The following KLF10 variants were observed in gnomAD, a reference collection of about 807,000 sequenced individuals.
KLF10 encodes KLF transcription factor 10.
Under a neutral mutation model 31.6 loss-of-function variants are expected in KLF10, and 17 were observed. The ratio of observed to expected loss-of-function variants is 0.54; its 90% CI spans 0.37 to 0.81. The LOEUF is 0.81. Ranked by LOEUF, KLF10 falls within the 30% of genes least tolerant of loss-of-function variation. KLF10 has a pLI of 0.00. For synonymous variants in KLF10, 239 were observed against 215.1 expected, an observed-to-expected ratio of 1.11 and a Z score of -0.97; for missense variants, 525 against 598.1, an observed-to-expected ratio of 0.88 and a Z score of 1.27.
At chr8:102,654,432 G>A (rs1827308250) in intron 1 of KLF10, 1 of 150,950 alleles carries the variant, frequency 6.6e-6, no homozygotes, top group South Asian at 2.1e-4. Flanking sequence ...TGGGTCACTC[G>A]GGGACGAGAA....
At chr8:102,655,544 G>C in intron 1 of KLF10, 22 bp downstream of exon 1, 1 of 1,614,050 alleles carries the variant, frequency 6.2e-7, no homozygotes, top group African/African-American at 1.3e-5. Flanking sequence ...AGGAAGCACA[G>C]GGGCATCCCC....
In KLF10 at chr8:102,651,309, G is replaced by T. The variant is rs1367780476; in HGVS notation, c.1023C>A (p.Leu341=). 1 of 1,604,760 alleles carries T rather than the reference G, an allele frequency of 6.2e-7. No individual in the cohort carries two copies. Among genetic ancestry groups the T allele is most frequent in the Non-Finnish European group, 8.5e-7 (1 of 1,175,692 alleles). ...ACCCAGGAGCAGGGGCAATGGGAGAGAGTCTGGTGCCATTCGGGCTCACCA... is the reference window on the plus strand; with the variant it reads ...ACCCAGGAGCAGGGGCAATGGGAGATAGTCTGGTGCCATTCGGGCTCACCA... The part of the protein sequence containing the change: ...PPVVSPNGTR[L]SPIAPAPGFS... Residue 341 remains leucine (L), a synonymous_variant, in exon 3 of 4, where the codon CTC becomes CTA. Transcript: ENST00000285407.
At chr8:102,653,447 T>TAAA in intron 1 of KLF10, 1 of 1,470,924 alleles carries the variant, frequency 6.8e-7, no homozygotes, top group South Asian at 1.3e-5. Flanking sequence ...TGAACTACGC[T>TAAA]AAAAAAAAAT....
rs1317662565 is a variant in KLF10 at position 102,648,998 on chromosome 8, T to C, written c.*1134A>G. Reference sequence around the variant, plus strand: ...CTATATATTTTAAGCAATGTACTTTTGTTTTGCCACTGTGTATATCATCCA... The same window carrying C: ...CTATATATTTTAAGCAATGTACTTTCGTTTTGCCACTGTGTATATCATCCA... On this transcript the variant is annotated 3_prime_UTR_variant, in exon 4 of 4. Coordinates refer to ENST00000285407, the MANE Select transcript of KLF10 (RefSeq NM_005655.4). The C allele has an allele frequency of 6.6e-6, 1 of 152,630 alleles. No individual in the cohort carries two copies. Among genetic ancestry groups the C allele is most frequent in the Non-Finnish European group, 1.5e-5 (1 of 68,024 alleles). The allele number at this position is 152,630 out of a possible 1,614,324, so 9.5% of individuals were successfully genotyped here.
intron 1 of KLF10, among the ~76,000 whole-genome samples, chr8:102,653,043 G>A (rs1389953911): frequency 6.6e-6 from 1 of 151,946 alleles, no homozygotes; most frequent in Non-Finnish European, 1.5e-5. Flanking sequence ...GGATCCTCAG[G>A]GTATCTTTCA....
At position 102,650,097 on chromosome 8, in the gene KLF10, C is replaced by T. The variant is rs1310507515; in HGVS notation, c.*35G>A. 2 of 1,608,914 alleles carry T rather than the reference C, an allele frequency of 1.2e-6. No individual in the cohort carries two copies. Among genetic ancestry groups the T allele is most frequent in the Non-Finnish European group, 1.7e-6 (2 of 1,176,640 alleles). ...ACATCACCACTGGCTCCCGCTGAGACCAAAGTTAGTTCTGACTCTTCACTT... is the reference window on the plus strand; with the variant it reads ...ACATCACCACTGGCTCCCGCTGAGATCAAAGTTAGTTCTGACTCTTCACTT... On this transcript the variant is annotated 3_prime_UTR_variant, in exon 4 of 4. Transcript: ENST00000285407.
Position 102,650,083 on chromosome 8 carries a change from G to T in KLF10, c.*49C>A. The T allele has an allele frequency of 6.3e-7, 1 of 1,593,094 alleles. No individual in the cohort carries two copies. Among genetic ancestry groups the T allele is most frequent in the Non-Finnish European group, 8.6e-7 (1 of 1,167,538 alleles). On this transcript the variant is annotated 3_prime_UTR_variant, in exon 4 of 4. Coordinates refer to ENST00000285407, the MANE Select transcript of KLF10 (RefSeq NM_005655.4). Reference sequence around the variant, plus strand: ...GTGGAAGCATTTTTACATCACCACTGGCTCCCGCTGAGACCAAAGTTAGTT... The same window carrying T: ...GTGGAAGCATTTTTACATCACCACTTGCTCCCGCTGAGACCAAAGTTAGTT...
At chr8:102,653,764 G>C (rs974321260) in intron 1 of KLF10, 80 of 1,103,890 alleles carry the variant, frequency 7.2e-5, no homozygotes, top group Non-Finnish European at 8.6e-5. Flanking sequence ...AAAAAAGAAA[G>C]GCAGGCGGCA....
chr8:102,650,009 G>A lies in KLF10; in HGVS notation c.*123C>T. On this transcript the variant is annotated 3_prime_UTR_variant, in exon 4 of 4. Coordinates refer to ENST00000285407, the MANE Select transcript of KLF10 (RefSeq NM_005655.4). ...AACCCAGGCGGGGCCTTCGTGCCAG[G>A]CTGTGGGGCTTCTGCTTTAAGCCCA... 7.7e-7 allele frequency: 1 copy of A among 1,304,418 alleles called. No homozygotes were observed. The allele number at this position is 1,304,418 out of a possible 1,614,324, so 80.8% of individuals were successfully genotyped here. A position where few individuals can be genotyped will look rare whatever the true frequency, so the allele number is the denominator to read the frequency against.
Position 102,653,699 on chromosome 8 carries a change from G to A in KLF10, c.37-1302C>T, listed in dbSNP as rs999276946. 6.7e-5 allele frequency: 84 copies of A among 1,244,462 alleles called. No individual in the cohort carries two copies. In the Middle Eastern group the frequency reaches 8.9e-4, roughly 13 times the overall value. The allele number at this position is 1,244,462 out of a possible 1,614,324, so 77.1% of individuals were successfully genotyped here. ...AATCGCGCCCGCCTTTATGTAAGCT[G>A]CAATGGACAGCGCGCGTGTGTGTAA... On this transcript the variant is annotated intron_variant, in intron 1 of 3. Coordinates refer to ENST00000285407, the MANE Select transcript of KLF10 (RefSeq NM_005655.4).
At position 102,652,370 on chromosome 8, in the gene KLF10, T is replaced by C; in HGVS notation, c.64A>G (p.Arg22Gly). The change falls in exon 2 of 4, where the codon AGG (arginine) becomes GGG (glycine). Residue 22 changes from arginine to glycine, a missense_variant. By Grantham distance (125) the Arg-to-Gly change is moderately radical. Around this residue, in one of 3 missense-constraint regions of KLF10, gnomAD observed 434 missense variants for 450.7 expected, o/e 0.96. Transcript: ENST00000285407. Reference sequence around the variant, plus strand: ...CAGGAATACATACTCTCTTTTGGCCTTTCAGAAATCATTTCCATTCTTTCC... The same window carrying C: ...CAGGAATACATACTCTCTTTTGGCCCTTCAGAAATCATTTCCATTCTTTCC... ...AEERMEMISE[R>G]PKESMYSWNK... is the part of the protein sequence containing the mutation. The C allele has an allele frequency of 6.3e-7, 1 of 1,595,656 alleles. No individual in the cohort carries two copies. The highest frequency in any genetic ancestry group is 2.2e-5 in the East Asian group (1 of 44,610).
rs932347315 is a variant in KLF10 at position 102,655,653 on chromosome 8, C to T, written c.-52G>A. 1 of 1,607,424 alleles carries T rather than the reference C, an allele frequency of 6.2e-7. No individual in the cohort carries two copies. On this transcript the variant is annotated 5_prime_UTR_variant, in exon 1 of 4. Transcript: ENST00000285407. ...AGCTGACTGGCTGCTAGGCTGCTGG[C>T]TGCTTGGCCACAGACGGGCGCACGG...
chr8:102,655,010 C>A (rs1027048079), intron 1 of KLF10, among the ~76,000 whole-genome samples: 14 of 152,012 alleles, frequency 9.2e-5, no homozygotes, highest in Non-Finnish European at 1.8e-4. Flanking sequence ...TGCTGAGCAG[C>A]CCCCGTCTTC....
At position 102,652,178 on chromosome 8, in the gene KLF10, T is replaced by C. The variant is rs1563960588; in HGVS notation, c.256A>G (p.Thr86Ala). 3 of 1,595,140 alleles carry C rather than the reference T, an allele frequency of 1.9e-6. No individual in the cohort carries two copies. The highest frequency in any genetic ancestry group is 1.1e-5 in the South Asian group (1 of 88,070). ...NLLPGTPDFH[T>A]IPAFCLTPPY... The stretch of plus-strand genomic sequence containing the variant: ...ATAATACTTACAAATGCTGGGATTG[T>C]ATGAAAATCAGGTGTTCCCGGAAGC... Residue 86 changes from threonine (T) to alanine (A), a missense_variant, in exon 2 of 4, where the codon ACA becomes GCA. Transcript: ENST00000285407.
Position 102,650,371 on chromosome 8 carries a change from T to C in KLF10, c.1204A>G (p.Ser402Gly). ...THTGEKPFSC[S>G]WKGCERRFAR... The stretch of plus-strand genomic sequence containing the variant: ...AACCTCCTTTCACAACCTTTCCAGC[T>C]ACAGCTGAAAGGCTTTTCTCCTAAA... Residue 402 changes from serine to glycine, a missense_variant, in exon 4 of 4, where the codon AGC (serine) becomes GGC (glycine). Ser to Gly is a moderately conservative substitution (Grantham distance 56, BLOSUM62 0). This residue lies in a region of KLF10 where 49 missense variants were observed against 105.0 expected (regional missense o/e 0.47). Coordinates refer to ENST00000285407, the MANE Select transcript of KLF10 (RefSeq NM_005655.4). The C allele has an allele frequency of 6.2e-7, 1 of 1,613,602 alleles. No homozygotes were observed.
intron 3 of KLF10, 145 bp downstream of exon 3, chr8:102,651,004 A>T: frequency 1.5e-6 from 1 of 668,432 alleles, no homozygotes; most frequent in Non-Finnish European, 2.3e-6. Context: ...CCTCCAATAC[A>T]GCCTTTTGGA....
Position 102,652,219 on chromosome 8 carries a change from G to A in KLF10, c.215C>T (p.Ser72Leu). 6.2e-7 allele frequency: 1 copy of A among 1,611,162 alleles called. No individual in the cohort carries two copies. Among genetic ancestry groups the A allele is most frequent in the Non-Finnish European group, 8.5e-7 (1 of 1,178,150 alleles). Residue 72 changes from serine to leucine, a missense_variant, in exon 2 of 4, where the codon TCA becomes TTA. Transcript: ENST00000285407. ...NRPVTPVSDL[S>L]EEENLLPGTP... is the part of the protein sequence containing the mutation. ...TCCCGGAAGCAGATTCTCTTCCTCT[G>A]ACAAATCAGATACTGGTGTAACAGG...
At chr8:102,653,594 A>G (rs920112650) in intron 1 of KLF10, 3 of 1,381,190 alleles carry the variant, frequency 2.2e-6, no homozygotes, top group Non-Finnish European at 2.8e-6. Flanking sequence ...TAGTTTTTCA[A>G]AAATGCATGA....
intron 1 of KLF10, chr8:102,654,031 C>A: frequency 3.1e-6 from 3 of 975,752 alleles, no homozygotes; most frequent in Non-Finnish European, 3.7e-6. Context: ...CCTGCCCCCG[C>A]CATTGGCCGG....
Sources: gnomAD v4.1 joint callset for allele counts (sites outside exome capture counted in the v4.1 genomes callset) on GRCh38, gnomAD v4.1.1 for gene constraint, gnomAD v4.1.1 regional missense constraint, MANE v1.5 for transcripts, NCBI Gene and HGNC (gene_info 2026-07-23, HGNC 2026-07-21) for gene names.